The following KCNT2 variants were observed in gnomAD, a reference collection of about 807,000 sequenced individuals.
The protein encoded by KCNT2 is potassium sodium-activated channel subfamily T member 2.
In KCNT2, 67 loss-of-function variants were observed where a neutral mutation model predicts 153.8. That is an observed-to-expected ratio of 0.44 (90% CI 0.36 to 0.53). The LOEUF (loss-of-function observed/expected upper bound fraction) is 0.53. Ranked by LOEUF, KCNT2 falls within the 20% of genes least tolerant of loss-of-function variation. KCNT2 has a pLI of 0.00. For missense variants in KCNT2, 975 were observed against 1,354.8 expected, an observed-to-expected ratio of 0.72 and a Z score of 4.40; for synonymous variants, 500 against 458.8, an observed-to-expected ratio of 1.09 and a Z score of -1.15.
intron 11 of KCNT2, among the ~76,000 whole-genome samples, chr1:196,424,263 A>G (rs1673457293): frequency 6.6e-6 from 1 of 151,950 alleles, no homozygotes. Context: ...AATACCAATA[A>G]CTCAGATAAA....
intron 22 of KCNT2, among the ~76,000 whole-genome samples, chr1:196,292,433 A>G (rs1204685905): frequency 6.6e-6 from 1 of 152,216 alleles, no homozygotes; most frequent in Non-Finnish European, 1.5e-5. Context: ...TGCCCATTCA[A>G]ACAACTTCTG....
chr1:196,392,139 C>T (rs1382047674), intron 13 of KCNT2, among the ~76,000 whole-genome samples: 4 of 151,040 alleles, frequency 2.6e-5, no homozygotes, highest in Admixed American at 1.3e-4. Flanking sequence ...TCAAAAGTGG[C>T]AAAATGTTAA....
At chr1:196,522,833 C>A (rs1653630295) in intron 1 of KCNT2, among the ~76,000 whole-genome samples, 1 of 152,074 alleles carries the variant, frequency 6.6e-6, no homozygotes, top group African/African-American at 2.4e-5. Flanking sequence ...TGTAAATGCA[C>A]CAATCAGCAC....
intron 1 of KCNT2, among the ~76,000 whole-genome samples, chr1:196,552,295 A>G (rs1043817038): frequency 2.0e-5 from 3 of 151,532 alleles, no homozygotes; most frequent in African/African-American, 7.3e-5. Context: ...GTTTTTAAAA[A>G]GAGGAATTAC....
At chr1:196,379,153 T>G (rs1669237191) in intron 13 of KCNT2, among the ~76,000 whole-genome samples, 1 of 152,192 alleles carries the variant, frequency 6.6e-6, no homozygotes, top group Admixed American at 6.6e-5. Flanking sequence ...AGACAACATA[T>G]GTAGCAAAAG....
chr1:196,411,065 CCT>C (rs1672268177), intron 12 of KCNT2, among the ~76,000 whole-genome samples: 74 of 2,346 alleles, frequency 0.032, 2 homozygotes, highest in Admixed American at 0.1. Context: ...TTCCCTCCTT[CCT>C]TCCTTCCTTC....
At chr1:196,243,434 G>C (rs1420043099) in intron 26 of KCNT2, among the ~76,000 whole-genome samples, 32 of 152,164 alleles carry the variant, frequency 2.1e-4, no homozygotes, top group Admixed American at 2.1e-3. Flanking sequence ...CACTGAAAGA[G>C]GCACTAAGGA....
intron 25 of KCNT2, among the ~76,000 whole-genome samples, chr1:196,265,086 A>G (rs2147805507): frequency 6.6e-6 from 1 of 152,232 alleles, no homozygotes; most frequent in Middle Eastern, 3.4e-3. Context: ...CTCTTAGTGC[A>G]GGTGTGCAAT....
At chr1:196,298,514 C>A (rs531764530) in intron 22 of KCNT2, among the ~76,000 whole-genome samples, 2 of 152,242 alleles carry the variant, frequency 1.3e-5, no homozygotes, top group Non-Finnish European at 2.9e-5. Flanking sequence ...CAGGAACTTC[C>A]GTGACTGTGA....
At chr1:196,461,588 A>G (rs1170184790) in intron 8 of KCNT2, among the ~76,000 whole-genome samples, 4 of 151,840 alleles carry the variant, frequency 2.6e-5, no homozygotes, top group Non-Finnish European at 5.9e-5. Flanking sequence ...ATTGGTTAGA[A>G]TATGTTGATA....
At chr1:196,512,325 C>A (rs2148800897) in intron 1 of KCNT2, among the ~76,000 whole-genome samples, 1 of 152,222 alleles carries the variant, frequency 6.6e-6, no homozygotes, top group African/African-American at 2.4e-5. Flanking sequence ...TCCAGGATTG[C>A]CAAATTTATA....
At chr1:196,474,036 C>G (rs1418362646) in intron 5 of KCNT2, among the ~76,000 whole-genome samples, 1 of 151,952 alleles carries the variant, frequency 6.6e-6, no homozygotes, top group Non-Finnish European at 1.5e-5. Flanking sequence ...TCTCTATGTT[C>G]CTTTTATTAT....
At chr1:196,512,799 CATTTATCA>C (rs1681741886) in intron 1 of KCNT2, among the ~76,000 whole-genome samples, 3 of 152,034 alleles carry the variant, frequency 2.0e-5, no homozygotes, top group African/African-American at 7.2e-5. Context: ...GAACTCCATC[CATTTATCA>C]ATCTACAAAA....
intron 14 of KCNT2, among the ~76,000 whole-genome samples, chr1:196,347,522 A>G (rs1666245442): frequency 6.6e-6 from 1 of 152,196 alleles, no homozygotes; most frequent in Admixed American, 6.6e-5. Context: ...TTTCCAGTGA[A>G]TGCTTTCACA....
At chr1:196,487,707 T>C (rs1042186428) in intron 3 of KCNT2, among the ~76,000 whole-genome samples, 10 of 152,138 alleles carry the variant, frequency 6.6e-5, no homozygotes, top group Admixed American at 5.2e-4. Flanking sequence ...CTTCCTTTAA[T>C]AGTTGTTACC....
At chr1:196,300,047 T>G (rs1661034880) in intron 22 of KCNT2, among the ~76,000 whole-genome samples, 1 of 152,244 alleles carries the variant, frequency 6.6e-6, no homozygotes, top group Admixed American at 6.5e-5. Flanking sequence ...TTAGTCTTTG[T>G]AAGCTTTAAT....
At chr1:196,607,744 A>T (rs184978487) in intron 1 of KCNT2, among the ~76,000 whole-genome samples, 1 of 152,250 alleles carries the variant, frequency 6.6e-6, no homozygotes, top group Non-Finnish European at 1.5e-5. Context: ...TACCTACTCA[A>T]GACAACACAG....
At chr1:196,287,813 A>G (rs1372636345) in intron 22 of KCNT2, among the ~76,000 whole-genome samples, 1 of 152,126 alleles carries the variant, frequency 6.6e-6, no homozygotes, top group Non-Finnish European at 1.5e-5. Flanking sequence ...TAATAGAAGT[A>G]TTATGTGTTG....
intron 26 of KCNT2, among the ~76,000 whole-genome samples, chr1:196,255,670 ATCATT>A (rs1656420446): frequency 1.3e-5 from 2 of 151,932 alleles, no homozygotes; most frequent in South Asian, 4.1e-4. Flanking sequence ...AGGATACTTA[ATCATT>A]TCAGGTAGTT....
Sources: allele counts gnomAD v4.1 joint callset (sites outside exome capture counted in the v4.1 genomes callset), GRCh38; gene constraint gnomAD v4.1.1; transcripts MANE v1.5; gene names NCBI Gene and HGNC (gene_info 2026-07-23, HGNC 2026-07-21).